The following TTC29 variants were observed in gnomAD, a reference collection of about 807,000 sequenced individuals.
TTC29 encodes tetratricopeptide repeat domain 29, also known as tetratricopeptide repeat protein 29.
In TTC29, 49 loss-of-function variants were observed where a neutral mutation model predicts 58.1. The observed-to-expected ratio is 0.84, with a 90% CI of 0.67 to 1.07. The LOEUF is 1.07. TTC29 is among the 50% of genes least tolerant of loss of function. The pLI is 0.00. For missense variants in TTC29, 582 were observed against 555.6 expected (o/e 1.05, Z -0.48); for synonymous variants, 209 against 196.8 (o/e 1.06, Z -0.52).
chr4:146,735,168 C>G (rs1013355742), intron 11 of TTC29, among the ~76,000 whole-genome samples: 3 of 152,094 alleles, frequency 2.0e-5, no homozygotes, highest in Non-Finnish European at 2.9e-5. Flanking sequence ...CCCCTGGACT[C>G]AAAGCCACCC....
intron 6 of TTC29, among the ~76,000 whole-genome samples, chr4:146,882,558 T>C (rs1025772661): frequency 1.3e-5 from 2 of 152,118 alleles, no homozygotes; most frequent in African/African-American, 2.4e-5. Context: ...AAAGTTAATA[T>C]TGACATTAGA....
At chr4:146,722,494 A>C (rs1202579443) in intron 11 of TTC29, among the ~76,000 whole-genome samples, 1 of 152,206 alleles carries the variant, frequency 6.6e-6, no homozygotes, top group Non-Finnish European at 1.5e-5. Context: ...AATGGAACAG[A>C]ATGGAGAACC....
intron 8 of TTC29, among the ~76,000 whole-genome samples, chr4:146,855,940 A>G (rs533050352): frequency 6.6e-6 from 1 of 152,304 alleles, no homozygotes; most frequent in East Asian, 1.9e-4. Context: ...CTTCTTTCGC[A>G]GCCTCTAGAT....
chr4:146,727,712 G>C (rs1321599202), intron 11 of TTC29, among the ~76,000 whole-genome samples: 1 of 152,072 alleles, frequency 6.6e-6, no homozygotes, highest in East Asian at 1.9e-4. Context: ...CCATTGTCGG[G>C]ATATACCACT....
At chr4:146,936,265 T>G (rs1315773265) in intron 4 of TTC29, among the ~76,000 whole-genome samples, 1 of 152,200 alleles carries the variant, frequency 6.6e-6, no homozygotes, top group Non-Finnish European at 1.5e-5. Flanking sequence ...GATAAAATTT[T>G]TCTTCAGCCT....
chr4:146,874,823 T>C lies in TTC29; in HGVS notation c.692A>G (p.Glu231Gly), dbSNP rs746899149. 1.8e-5 allele frequency: 29 copies of C among 1,613,102 alleles called. No homozygotes were observed. The African/African-American group carries it at 3.7e-4, about 21-fold the overall frequency. The part of the protein sequence containing the change: ...TGRSLNLLAC[E>G]SLLRTYRLLS... ...TAATCTGTAAGTCCTCAGGAGACTC[T>C]CACAGGCCAACAAGTTGAGAGAGCG... is the stretch of plus-strand genomic sequence containing the variant. The change falls in exon 7 of 13, where the codon GAG (glutamate) becomes GGG (glycine). Residue 231 changes from glutamate (E) to glycine (G), a missense_variant. By Grantham distance (98) the Glu-to-Gly change is moderately conservative (BLOSUM62 -2). Transcript: ENST00000325106.
intron 11 of TTC29, among the ~76,000 whole-genome samples, chr4:146,727,651 A>G (rs1423073450): frequency 3.9e-5 from 6 of 152,182 alleles, no homozygotes; most frequent in African/African-American, 9.6e-5. Context: ...AGATTCCTCC[A>G]TATCTTTTCA....
chr4:146,715,874 G>A (rs1170473978), intron 11 of TTC29, among the ~76,000 whole-genome samples: 1 of 152,034 alleles, frequency 6.6e-6, no homozygotes, highest in Non-Finnish European at 1.5e-5. Context: ...ATATCATCCT[G>A]TATTCCATAA....
intron 11 of TTC29, among the ~76,000 whole-genome samples, chr4:146,754,154 TATAAC>T (rs1362096968): frequency 1.3e-5 from 2 of 151,476 alleles, no homozygotes; most frequent in African/African-American, 4.8e-5. Flanking sequence ...AAAAAGAAAT[TATAAC>T]AGATGCCTCA....
intron 8 of TTC29, among the ~76,000 whole-genome samples, chr4:146,858,134 G>A (rs140140741): frequency 4.6e-5 from 7 of 152,290 alleles, no homozygotes; most frequent in African/African-American, 1.4e-4. Flanking sequence ...AATTTAAAGT[G>A]TAAACACACA....
intron 11 of TTC29, among the ~76,000 whole-genome samples, chr4:146,763,641 A>G (rs1747076412): frequency 1.3e-5 from 2 of 152,152 alleles, no homozygotes; most frequent in Non-Finnish European, 2.9e-5. Flanking sequence ...ATTTAGTTAA[A>G]TATCACATTT....
intron 9 of TTC29, among the ~76,000 whole-genome samples, chr4:146,826,144 C>G (rs1727782740): frequency 1.3e-5 from 2 of 152,112 alleles, no homozygotes; most frequent in South Asian, 4.1e-4. Context: ...GAATTTGATC[C>G]TGTCATCATA....
chr4:146,857,711 A>C (rs543430173), intron 8 of TTC29, among the ~76,000 whole-genome samples: 2 of 152,148 alleles, frequency 1.3e-5, no homozygotes, highest in African/African-American at 4.8e-5. Context: ...TGGAAGGGTA[A>C]ATTTTAGGTA....
chr4:146,897,359 A>G (rs1732835683), intron 6 of TTC29, among the ~76,000 whole-genome samples: 1 of 152,128 alleles, frequency 6.6e-6, no homozygotes, highest in Non-Finnish European at 1.5e-5. Context: ...TGCTCAAGGC[A>G]ATCAATCGTG....
rs774086271 is a variant in TTC29 at position 146,803,454 on chromosome 4, T to C, written c.1330+3A>G. ...TAAAGTGTTCTAAAAACCAATGCCT[T>C]ACCAGTAACTGGATCAGGTTCAATG... On this transcript the variant is annotated splice_donor_region_variant and intron_variant, in intron 11 of 12. Coordinates refer to ENST00000325106, the MANE Select transcript of TTC29 (RefSeq NM_031956.4). 5 of 1,563,876 alleles carry C rather than the reference T, an allele frequency of 3.2e-6. No homozygotes were observed. The highest frequency in any genetic ancestry group is 4.3e-6 in the Non-Finnish European group (5 of 1,151,120).
chr4:146,906,950 C>T (rs571841372), intron 5 of TTC29, among the ~76,000 whole-genome samples: 3 of 152,140 alleles, frequency 2.0e-5, no homozygotes, highest in Non-Finnish European at 2.9e-5. Flanking sequence ...GGTGAAACCC[C>T]GTCTCTACTA....
At chr4:146,794,683 T>C (rs1749711438) in intron 11 of TTC29, among the ~76,000 whole-genome samples, 1 of 152,122 alleles carries the variant, frequency 6.6e-6, no homozygotes, top group African/African-American at 2.4e-5. Context: ...GAGCTTACTA[T>C]CTCATAAGCA....
At chr4:146,739,957 T>A (rs1347698192) in intron 11 of TTC29, among the ~76,000 whole-genome samples, 1 of 152,076 alleles carries the variant, frequency 6.6e-6, no homozygotes. Flanking sequence ...GTGTGCCTCT[T>A]ACAGGCTGAG....
At chr4:146,932,880 C>G (rs1735451784) in intron 4 of TTC29, among the ~76,000 whole-genome samples, 1 of 151,908 alleles carries the variant, frequency 6.6e-6, no homozygotes, top group South Asian at 2.1e-4. Flanking sequence ...CATGGTGAAA[C>G]CCCGTCTCTA....
Sources: gnomAD v4.1 joint callset for allele counts (sites outside exome capture counted in the v4.1 genomes callset) on GRCh38, gnomAD v4.1.1 for gene constraint, MANE v1.5 for transcripts, NCBI Gene and HGNC (gene_info 2026-07-23, HGNC 2026-07-21) for gene names.